Variants in KLHL22 observed in about 807,000 individuals in gnomAD.
KLHL22 encodes kelch like family member 22.
In KLHL22, 18 loss-of-function variants were observed where a neutral mutation model predicts 60.7. That is an observed-to-expected ratio of 0.30 (90% confidence interval 0.20 to 0.44). The LOEUF (loss-of-function observed/expected upper bound fraction) is 0.44, where lower values mean the gene tolerates loss of function less well. Among genes scored for constraint, KLHL22 ranks in the 20% least tolerant of loss-of-function variants. The pLI, the probability that KLHL22 is intolerant of heterozygous loss-of-function variation, is 1.00. For synonymous variants in KLHL22, 355 were observed against 354.5 expected, an observed-to-expected ratio of 1.00 and a Z score of -0.01; for missense variants, 596 against 852.3, an observed-to-expected ratio of 0.70 and a Z score of 3.74.
chr22:20,477,119 A>G (rs5999048), intron 2 of KLHL22, among the ~76,000 whole-genome samples: 1 of 151,956 alleles, frequency 6.6e-6, no homozygotes, highest in South Asian at 2.1e-4. Flanking sequence ...GCAGCCAGGC[A>G]CCATGGCTCA....
chr22:20,451,820 A>G (rs1271397088), intron 5 of KLHL22: 1 of 1,604,884 alleles, frequency 6.2e-7, no homozygotes, highest in Non-Finnish European at 8.5e-7. Context: ...CTCCACAAGA[A>G]GTGACCATTG....
intron 2 of KLHL22, among the ~76,000 whole-genome samples, chr22:20,484,966 C>A (rs891217468): frequency 5.9e-5 from 9 of 151,962 alleles, no homozygotes; most frequent in Admixed American, 5.2e-4. Context: ...GCATTGGAGT[C>A]TTTTCATAAA....
intron 4 of KLHL22, among the ~76,000 whole-genome samples, chr22:20,461,348 T>TTG (rs2053151472): frequency 1.3e-5 from 2 of 151,222 alleles, no homozygotes; most frequent in Non-Finnish European, 2.9e-5. Context: ...GGTCAGGAGA[T>TTG]CAAGACCATC....
At chr22:20,488,663 C>CGGAGGGGAGGAATGGTAAGGGAGGGGAGG in intron 2 of KLHL22, 1 of 218,232 alleles carries the variant, frequency 4.6e-6, no homozygotes, top group Non-Finnish European at 8.5e-6. Context: ...TAATTACTGA[C>CGGAGGGGAGGAATGGTAAGGGAGGGGAGG]GGAGGGGAGG....
At chr22:20,456,818 T>A (rs73879379) in intron 5 of KLHL22, among the ~76,000 whole-genome samples, 7,309 of 150,964 alleles carry the variant, frequency 0.048, 581 homozygotes, top group African/African-American at 0.17. Flanking sequence ...AGTCAAAGTC[T>A]AAGTCCCTGG....
chr22:20,493,988 A>C (rs780441792), intron 1 of KLHL22, among the ~76,000 whole-genome samples: 2 of 151,486 alleles, frequency 1.3e-5, no homozygotes, highest in Non-Finnish European at 2.9e-5. Flanking sequence ...CTGAGGCAGG[A>C]GAATCGATTG....
intron 3 of KLHL22, among the ~76,000 whole-genome samples, chr22:20,466,372 TAAAAAAAAAAA>T (rs361874): frequency 5.5e-4 from 39 of 70,606 alleles, no homozygotes; most frequent in African/African-American, 2.0e-3. Flanking sequence ...AGACTCCGTC[TAAAAAAAAAAA>T]AAAAAAAAAA....
At chr22:20,491,114 A>T (rs898713616) in intron 1 of KLHL22, 2 of 152,192 alleles carry the variant, frequency 1.3e-5, no homozygotes, top group African/African-American at 4.8e-5. Context: ...GTTTGTTATA[A>T]AGGGTATTGC....
chr22:20,474,087 C>T (rs914272627), intron 2 of KLHL22, among the ~76,000 whole-genome samples: 1 of 152,140 alleles, frequency 6.6e-6, no homozygotes, highest in Non-Finnish European at 1.5e-5. Flanking sequence ...GCAACCTCCG[C>T]CTCCTGAGTT....
chr22:20,442,113 A>G lies in KLHL22; in HGVS notation c.1865T>C (p.Val622Ala), dbSNP rs2052767702. 6.6e-7 allele frequency: 1 copy of G among 1,514,028 alleles called. No homozygotes were observed. Among genetic ancestry groups the G allele is most frequent in the Non-Finnish European group, 8.8e-7 (1 of 1,130,304 alleles). 93.8% of individuals were successfully genotyped at this position (1,514,028 alleles called of 1,614,324 possible). A position where few individuals can be genotyped will look rare whatever the true frequency, so the allele number is the denominator to read the frequency against. Residue 622 changes from valine to alanine, a missense_variant, in exon 7 of 7, where the codon GTG becomes GCG. By Grantham distance (64) the Val-to-Ala change is moderately conservative (BLOSUM62 0). Transcript: ENST00000328879. Reference protein sequence around the residue: ...DPDFASEVMSVSDWEEFDNSS... With the variant: ...DPDFASEVMSASDWEEFDNSS... ...GTTGTCAAACTCCTCCCAGTCAGAC[A>G]CACTCATCACCTCAGAGGCAAAGTC...
chr22:20,472,451 C>A (rs759306069), intron 2 of KLHL22, among the ~76,000 whole-genome samples: 1 of 152,068 alleles, frequency 6.6e-6, no homozygotes, highest in Non-Finnish European at 1.5e-5. Flanking sequence ...ATTGGCCGGG[C>A]GTGGTGGCTC....
intron 6 of KLHL22, among the ~76,000 whole-genome samples, chr22:20,443,133 C>T (rs943512737): frequency 5.3e-5 from 8 of 152,162 alleles, no homozygotes; most frequent in African/African-American, 1.9e-4. Context: ...GTGGTAAAGC[C>T]ATACTACTAT....
Position 20,495,153 on chromosome 22 carries a change from C to G in KLHL22, c.-34+607G>C, listed in dbSNP as rs140468576. Among the ~76,000 whole-genome samples, 842 of 152,338 alleles carry G rather than the reference C, an allele frequency of 5.5e-3. 7 individuals carry two copies. Among genetic ancestry groups the G allele is most frequent in the African/African-American group, 0.019 (803 of 41,582 alleles). Reference sequence around the variant, plus strand: ...GCCCAGGCGGAAGGTGGCGGTGCCCCGCTGCCCGCCCCAGATCCACTCGGC... The same window carrying G: ...GCCCAGGCGGAAGGTGGCGGTGCCCGGCTGCCCGCCCCAGATCCACTCGGC... On this transcript the variant is annotated intron_variant, in intron 1 of 6. Coordinates refer to ENST00000328879, the MANE Select transcript of KLHL22 (RefSeq NM_032775.4). This position sits in a 1 kb window ranked among gnomAD's most constrained non-coding sequence, Gnocchi z 4.6.
At chr22:20,470,615 C>T (rs5749549) in intron 3 of KLHL22, among the ~76,000 whole-genome samples, 10,787 of 152,172 alleles carry the variant, frequency 0.071, 863 homozygotes, top group East Asian at 0.46. Context: ...TGCCACTGCA[C>T]TCCAGCCTGG....
intron 2 of KLHL22, among the ~76,000 whole-genome samples, chr22:20,475,852 G>A (rs1039206610): frequency 6.6e-6 from 1 of 152,068 alleles, no homozygotes. Context: ...GTGAGTCACC[G>A]CACCCAGCCC....
intron 2 of KLHL22, among the ~76,000 whole-genome samples, chr22:20,478,299 A>C (rs1196977841): frequency 6.6e-6 from 1 of 150,598 alleles, no homozygotes; most frequent in Non-Finnish European, 1.5e-5. Flanking sequence ...TCCAGCTCCC[A>C]GGTTCAAGCA....
At chr22:20,472,150 G>T (rs1057154315) in intron 2 of KLHL22, among the ~76,000 whole-genome samples, 1 of 152,086 alleles carries the variant, frequency 6.6e-6, no homozygotes, top group Non-Finnish European at 1.5e-5. Context: ...TGGTGGCTGC[G>T]GCACAAGAAT....
intron 2 of KLHL22, among the ~76,000 whole-genome samples, chr22:20,472,836 G>A (rs1034442142): frequency 2.6e-5 from 4 of 152,182 alleles, no homozygotes; most frequent in Non-Finnish European, 5.9e-5. Context: ...GAAGGAGCAG[G>A]GAAAGCCCCA....
intron 2 of KLHL22, among the ~76,000 whole-genome samples, chr22:20,480,652 C>A (rs2053483471): frequency 6.6e-6 from 1 of 152,134 alleles, no homozygotes; most frequent in Non-Finnish European, 1.5e-5. Flanking sequence ...ATACTGTACA[C>A]ATGCCACATA....
Sources: gnomAD v4.1 joint callset for allele counts (sites outside exome capture counted in the v4.1 genomes callset) on GRCh38, gnomAD v4.1.1 for gene constraint, Gnocchi (gnomAD v3.1) non-coding constraint, MANE v1.5 for transcripts, NCBI Gene and HGNC (gene_info 2026-07-23, HGNC 2026-07-21) for gene names.